The following UBN1 variants were observed in gnomAD, a reference collection of about 807,000 sequenced individuals.
The protein encoded by UBN1 is ubinuclein 1, also known as ubinuclein-1.
A neutral mutation model predicts 108.5 loss-of-function variants in UBN1; 17 were observed. The observed-to-expected ratio is 0.16, with a 90% confidence interval of 0.11 to 0.24. The LOEUF (loss-of-function observed/expected upper bound fraction) is 0.24. UBN1 is among the 10% of genes least tolerant of loss of function. The pLI is 1.00. For synonymous variants in UBN1, 726 were observed against 564.2 expected (o/e 1.29, Z -4.07); for missense variants, 1,595 against 1,394.4 (o/e 1.14, Z -2.29).
At chr16:4,864,314 C>T (rs2087218554) in intron 7 of UBN1, among the ~76,000 whole-genome samples, 1 of 151,836 alleles carries the variant, frequency 6.6e-6, no homozygotes. Context: ...TGTATTGATC[C>T]CTTAGGGGAA....
At position 4,874,816 on chromosome 16, in the gene UBN1, C is replaced by T. The variant is rs779735604; in HGVS notation, c.2406C>T (p.Pro802=). The part of the protein sequence containing the change: ...GPQVAVPVPG[P]QVKVFHAGTQ... ...AAGTGGCAGTTCCTGTGCCTGGCCC[C>T]CAGGTCAAAGTCTTTCATGCCGGCA... The change falls in exon 15 of 18, where the codon CCC becomes CCT. Residue 802 remains proline (P), a synonymous_variant. Transcript: ENST00000262376. 6.2e-7 allele frequency: 1 copy of T among 1,614,124 alleles called. No homozygotes were observed. The highest frequency in any genetic ancestry group is 1.7e-5 in the Admixed American group (1 of 60,032).
At chr16:4,860,389 T>C (rs544397760) in intron 6 of UBN1, among the ~76,000 whole-genome samples, 6 of 152,344 alleles carry the variant, frequency 3.9e-5, no homozygotes, top group Admixed American at 3.9e-4. Flanking sequence ...TCCCTGCCCC[T>C]TTTTGCAACC....
intron 15 of UBN1, 99 bp from the exon 16 acceptor site, chr16:4,876,772 T>C: frequency 6.7e-6 from 10 of 1,495,446 alleles, no homozygotes; most frequent in Non-Finnish European, 8.9e-6. Context: ...TGTCCTCCTT[T>C]GTGGACACAC....
At position 4,875,214 on chromosome 16, in the gene UBN1, C is replaced by T. The variant is rs150886270; in HGVS notation, c.2804C>T (p.Pro935Leu). The T allele has an allele frequency of 9.4e-5, 152 of 1,614,262 alleles. No homozygotes were observed. In the African/African-American group the frequency reaches 1.7e-3, roughly 18 times the overall value. The change falls in exon 15 of 18, where the codon CCT becomes CTT. Residue 935 changes from proline (P) to leucine (L), a missense_variant. By Grantham distance (98) the Pro-to-Leu change is moderately conservative. This residue lies in a region of UBN1 where 1,398 missense variants were observed against 1,194.7 expected (regional missense o/e 1.17). Coordinates refer to ENST00000262376, the MANE Select transcript of UBN1 (RefSeq NM_001079514.3). ...AGTTCTGTTTCTGGGAGCCTGGTCC[C>T]TGGCATACAGCCTCCCTCCGTGGGA... is the stretch of plus-strand genomic sequence containing the variant. Reference protein sequence around the residue: ...VQSSVSGSLVPGIQPPSVGQA... With the variant: ...VQSSVSGSLVLGIQPPSVGQA...
intron 17 of UBN1, among the ~76,000 whole-genome samples, chr16:4,878,245 A>G (rs1323378152): frequency 6.6e-6 from 1 of 152,250 alleles, no homozygotes; most frequent in Admixed American, 6.5e-5. Context: ...TGGCATGGGA[A>G]GTCTCATGGT....
rs2087924932 is a variant in UBN1, at chr16:4,877,213, T to C, written c.3265+102T>C. 6.6e-7 allele frequency: 1 copy of C among 1,520,466 alleles called. No individual in the cohort carries two copies. Among genetic ancestry groups the C allele is most frequent in the Non-Finnish European group, 8.8e-7 (1 of 1,136,850 alleles). 94.2% of individuals were successfully genotyped at this position (1,520,466 alleles called of 1,614,324 possible). A position where few individuals can be genotyped will look rare whatever the true frequency, so the allele number is the denominator to read the frequency against. On this transcript the variant is annotated intron_variant, in intron 16 of 17. Transcript: ENST00000262376. The surrounding 1 kb of genome is among the most constrained non-coding windows in gnomAD (Gnocchi z 4.3). ...GGTTCCTGTGTTTGAGTCTGGTGTG[T>C]GACTGTGGGGAACATCTCCGGGAAC...
Position 4,868,829 on chromosome 16 carries a change from C to T in UBN1, c.1111-4C>T, listed in dbSNP as rs548131879. On this transcript the variant is annotated splice_region_variant and splice_polypyrimidine_tract_variant and intron_variant, in intron 7 of 17. Coordinates refer to ENST00000262376, the MANE Select transcript of UBN1 (RefSeq NM_001079514.3). ...AACGGCTGTTACTGTCTGCTGTGCA[C>T]CAGGCTGCCAGAGCTGCTGAGGGGG... The T allele has an allele frequency of 3.1e-6, 5 of 1,613,554 alleles. No individual in the cohort carries two copies. Among genetic ancestry groups the T allele is most frequent in the South Asian group, 1.1e-5 (1 of 91,018 alleles).
intron 1 of UBN1, among the ~76,000 whole-genome samples, chr16:4,850,943 T>A (rs919167655): frequency 6.6e-6 from 1 of 152,230 alleles, no homozygotes; most frequent in Non-Finnish European, 1.5e-5. Flanking sequence ...GCTTTAACTT[T>A]GCAACATTAA....
rs914777283 is a variant in UBN1 at position 4,860,720 on chromosome 16, T to C, written c.728T>C (p.Leu243Ser). 5.0e-6 allele frequency: 8 copies of C among 1,614,034 alleles called. No individual in the cohort carries two copies. The highest frequency in any genetic ancestry group is 5.9e-6 in the Non-Finnish European group (7 of 1,180,048). Residue 243 changes from leucine (L) to serine (S), a missense_variant, in exon 7 of 18, where the codon TTA becomes TCA. Leu to Ser is a moderately radical substitution (Grantham distance 145). Around this residue, in one of 3 missense-constraint regions of UBN1, gnomAD observed 1,398 missense variants for 1,194.7 expected, o/e 1.17. Coordinates refer to ENST00000262376, the MANE Select transcript of UBN1 (RefSeq NM_001079514.3). ...AAGAAGAAGAAATATTCTGGGGCTT[T>C]AAGCGTTAAAGAGATGCTAAAGAAA... The part of the protein sequence containing the change: ...EKKKKKYSGA[L>S]SVKEMLKKFQ...
intron 2 of UBN1, among the ~76,000 whole-genome samples, chr16:4,854,826 C>T (rs1279961196): frequency 6.6e-6 from 1 of 151,812 alleles, no homozygotes; most frequent in Admixed American, 6.6e-5. Context: ...CGGTTCATGC[C>T]GTTTTCCTGT....
intron 5 of UBN1, among the ~76,000 whole-genome samples, chr16:4,859,383 GA>G (rs2086954757): frequency 6.6e-6 from 1 of 152,202 alleles, no homozygotes; most frequent in African/African-American, 2.4e-5. Context: ...CATGTCACAT[GA>G]CATCCCAGCA....
chr16:4,854,945 A>C lies in UBN1; in HGVS notation c.249+1779A>C, dbSNP rs1194421933. 2.0e-5 allele frequency among the ~76,000 whole-genome samples: 3 copies of C among 151,712 alleles called. No homozygotes were observed. In the South Asian group the frequency reaches 6.3e-4, roughly 32 times the overall value. On this transcript the variant is annotated intron_variant, in intron 2 of 17. Transcript: ENST00000262376. ...CACCGTGTTAGCCAGGATGGTCTCG[A>C]TCTCCTGACCTCGTGATCCGCCCGT...
In UBN1 at chr16:4,875,083, A is replaced by C. The variant is rs141506746; in HGVS notation, c.2673A>C (p.Ser891=). ...TGAGCCATCCAGCAAAGCCACATTC[A>C]GTCAGCTCTGCAGGCTCATCTTACA... ...SALSHPAKPH[S]VSSAGSSYKN... is the part of the protein sequence containing the mutation. The change falls in exon 15 of 18, where the codon TCA becomes TCC. Residue 891 remains serine, a synonymous_variant. Transcript: ENST00000262376. 1.4e-3 allele frequency: 2,270 copies of C among 1,614,132 alleles called. 17 individuals carry two copies. The highest frequency in any genetic ancestry group is 9.6e-3 in the African/African-American group (720 of 75,058).
At chr16:4,859,761 C>G in intron 5 of UBN1, 104 bp from the exon 6 acceptor site, 11 of 1,523,424 alleles carry the variant, frequency 7.2e-6, no homozygotes, top group African/African-American at 1.4e-5. Flanking sequence ...GGAAATGAGA[C>G]AGGTCTCAGG....
rs1020440738 is a variant in UBN1 at position 4,870,518 on chromosome 16, G to C, written c.1314G>C (p.Gly438=). 1.5e-5 allele frequency: 25 copies of C among 1,614,098 alleles called. No individual in the cohort carries two copies. Among genetic ancestry groups the C allele is most frequent in the Non-Finnish European group, 2.0e-5 (24 of 1,180,028 alleles). The change falls in exon 10 of 18, where the codon GGG becomes GGC. Residue 438 remains glycine, a splice_region_variant and synonymous_variant. Coordinates refer to ENST00000262376, the MANE Select transcript of UBN1 (RefSeq NM_001079514.3). ...GAATTGTGTCCCGCTCTTCGCAGGG[G>C]GGCCGTCTGAAGGAGCCTCTCCAGA... is the stretch of plus-strand genomic sequence containing the variant. ...RARKLHLYEQ[G]GRLKEPLQKL... is the part of the protein sequence containing the mutation.
At chr16:4,864,430 A>C (rs1809112996) in intron 7 of UBN1, among the ~76,000 whole-genome samples, 1 of 152,220 alleles carries the variant, frequency 6.6e-6, no homozygotes, top group African/African-American at 2.4e-5. Flanking sequence ...GTCCTCTGAG[A>C]GGGAACCTTG....
chr16:4,859,862 C>T lies in UBN1; in HGVS notation c.568-3C>T, dbSNP rs1222498379. 5.6e-6 allele frequency: 9 copies of T among 1,613,936 alleles called. No individual in the cohort carries two copies. The South Asian group carries it at 7.7e-5, about 14-fold the overall frequency. On this transcript the variant is annotated splice_polypyrimidine_tract_variant and splice_region_variant and intron_variant, in intron 5 of 17. Coordinates refer to ENST00000262376, the MANE Select transcript of UBN1 (RefSeq NM_001079514.3). ...GTAACTGTGCCTTGTCTTTAATTCT[C>T]AGAAGCGGAAGTTGAAGGAAGGTGG...
chr16:4,865,780 G>A (rs2087300249), intron 7 of UBN1, among the ~76,000 whole-genome samples: 1 of 152,070 alleles, frequency 6.6e-6, no homozygotes, highest in Non-Finnish European at 1.5e-5. Flanking sequence ...GGCCAACATG[G>A]TGAAACCCCA....
rs1567953529 is a variant in UBN1, at chr16:4,874,787, C to A, written c.2377C>A (p.Pro793Thr). The A allele has an allele frequency of 3.7e-6, 6 of 1,613,962 alleles. No homozygotes were observed. The highest frequency in any genetic ancestry group is 4.2e-6 in the Non-Finnish European group (5 of 1,180,044). The change falls in exon 15 of 18, where the codon CCC (proline) becomes ACC (threonine). Residue 793 changes from proline (P) to threonine (T), a missense_variant. Physicochemically the swap from Pro to Thr is conservative, Grantham distance 38 (BLOSUM62 -1). This residue lies in a region of UBN1 where 1,398 missense variants were observed against 1,194.7 expected (regional missense o/e 1.17). Transcript: ENST00000262376. ...CAGCTTGCCACGGACGTCTCACGGGCCCCAAGTGGCAGTTCCTGTGCCTGG... is the reference window on the plus strand; with the variant it reads ...CAGCTTGCCACGGACGTCTCACGGGACCCAAGTGGCAGTTCCTGTGCCTGG... ...HHSLPRTSHG[P>T]QVAVPVPGPQ...
Sources: gnomAD v4.1 joint callset for allele counts (sites outside exome capture counted in the v4.1 genomes callset) on GRCh38, gnomAD v4.1.1 for gene constraint, gnomAD v4.1.1 regional missense constraint, Gnocchi (gnomAD v3.1) non-coding constraint, MANE v1.5 for transcripts, NCBI Gene and HGNC (gene_info 2026-07-23, HGNC 2026-07-21) for gene names.